The following CAPS2 variants were observed in gnomAD, a reference collection of about 807,000 sequenced individuals.
The protein encoded by CAPS2 is calcyphosine 2.
Under a neutral mutation model 86.5 loss-of-function variants are expected in CAPS2, and 98 were observed. The observed-to-expected ratio is 1.13, with a 90% CI of 0.96 to 1.34. The LOEUF (loss-of-function observed/expected upper bound fraction) is 1.34, where lower values mean the gene tolerates loss of function less well. Among genes scored for constraint, CAPS2 ranks in the 40% most tolerant of loss-of-function variants. CAPS2 has a pLI of 0.00. For missense variants in CAPS2, 729 were observed against 686.8 expected, an observed-to-expected ratio of 1.06 and a Z score of -0.69; for synonymous variants, 210 against 225.1, an observed-to-expected ratio of 0.93 and a Z score of 0.60.
intron 16 of CAPS2, among the ~76,000 whole-genome samples, chr12:75,281,411 A>G (rs1191989065): frequency 3.9e-5 from 6 of 151,986 alleles, no homozygotes; most frequent in Admixed American, 3.9e-4. Context: ...TGATTCATAA[A>G]AAGAATAATA....
Position 75,298,792 on chromosome 12 carries a change from A to G in CAPS2, c.951-12T>C. On this transcript the variant is annotated splice_polypyrimidine_tract_variant and intron_variant, in intron 10 of 16. Transcript: ENST00000393284. ...GAAGCACATTTGTTCTAGAAAGTAA[A>G]TGAAAAAAAAATGGAAAGTTATTTA... is the stretch of plus-strand genomic sequence containing the variant. 6.2e-7 allele frequency: 1 copy of G among 1,608,370 alleles called. No homozygotes were observed. Among genetic ancestry groups the G allele is most frequent in the Non-Finnish European group, 8.5e-7 (1 of 1,174,980 alleles).
chr12:75,339,406 G>C lies in CAPS2; in HGVS notation c.-394-16184C>G, dbSNP rs190546948. On this transcript the variant is annotated intron_variant, in intron 1 of 5. Transcript: ENST00000551829. ...TGGCCATATGTATGTCTTCTTTTGA[G>C]AAGTGTCTGTTCATGTCCTTTGGCC... Among the ~76,000 whole-genome samples, 19 of 152,142 alleles carry C rather than the reference G, an allele frequency of 1.2e-4. No homozygotes were observed. In the East Asian group the frequency reaches 3.7e-3, roughly 29 times the overall value.
At chr12:75,378,089 C>T (rs1308650197) in intron 1 of CAPS2, among the ~76,000 whole-genome samples, 1 of 151,984 alleles carries the variant, frequency 6.6e-6, no homozygotes, top group African/African-American at 2.4e-5. Flanking sequence ...CCTCCACCTA[C>T]CAGGCTCAAG....
downstream of CAPS2, chr12:75,277,081 CA>C (rs572297612): frequency 1.2e-5 from 12 of 983,068 alleles, no homozygotes; most frequent in African/African-American, 1.8e-5. Context: ...CAAAATACAC[CA>C]AAAAAAATCT....
chr12:75,344,070 G>C, intron 1 of CAPS2: 1 of 655,714 alleles, frequency 1.5e-6, no homozygotes, highest in Non-Finnish European at 2.5e-6. Context: ...CATAGGTCTT[G>C]AGCAATTTAA....
At chr12:75,386,702 T>C (rs2139855021) in intron 1 of CAPS2, among the ~76,000 whole-genome samples, 1 of 152,098 alleles carries the variant, frequency 6.6e-6, no homozygotes, top group South Asian at 2.1e-4. Context: ...ATAGTATTGG[T>C]GAAAGTAGAA....
At chr12:75,345,928 T>C (rs183211868) in intron 1 of CAPS2, among the ~76,000 whole-genome samples, 1 of 152,172 alleles carries the variant, frequency 6.6e-6, no homozygotes, top group Admixed American at 6.5e-5. Context: ...ACACACAAGG[T>C]TAAGTAATTA....
intron 12 of CAPS2, among the ~76,000 whole-genome samples, chr12:75,292,614 T>C (rs140696713): frequency 0.011 from 1,610 of 147,118 alleles, 20 homozygotes; most frequent in African/African-American, 0.037. Context: ...ATTATATATG[T>C]ATCTATACAT....
At chr12:75,346,081 T>C (rs1158798557) in intron 1 of CAPS2, among the ~76,000 whole-genome samples, 1 of 152,230 alleles carries the variant, frequency 6.6e-6, no homozygotes, top group East Asian at 1.9e-4. Context: ...TTACATCTAG[T>C]TTCTTTAATG....
At chr12:75,321,366 T>C in intron 5 of CAPS2, 34 bp downstream of exon 5, 1 of 1,358,018 alleles carries the variant, frequency 7.4e-7, no homozygotes, top group African/African-American at 1.5e-5. Context: ...TTTCTTTAAA[T>C]GTCATTAGAA....
chr12:75,339,666 C>T (rs529001488), intron 1 of CAPS2, among the ~76,000 whole-genome samples: 2 of 152,208 alleles, frequency 1.3e-5, no homozygotes, highest in South Asian at 2.1e-4. Flanking sequence ...TTGCCCGTGC[C>T]TATGTCCTGA....
intron 1 of CAPS2, chr12:75,390,325 G>A (rs1434745408): frequency 2.2e-6 from 1 of 456,294 alleles, no homozygotes; most frequent in African/African-American, 2.0e-5. Context: ...TTCTTACTGT[G>A]AATGCCACAA....
intron 12 of CAPS2, 82 bp from the exon 13 acceptor site, chr12:75,291,902 C>T: frequency 2.0e-6 from 1 of 493,200 alleles, no homozygotes; most frequent in Non-Finnish European, 3.4e-6. Flanking sequence ...AAGCTCTTCC[C>T]TGCTCCAGAC....
intron 1 of CAPS2, among the ~76,000 whole-genome samples, chr12:75,377,837 A>G (rs1366088077): frequency 4.8e-5 from 2 of 41,968 alleles, no homozygotes; most frequent in African/African-American, 1.6e-4. Context: ...ATTAACCATC[A>G]CAGATATATA....
chr12:75,278,916 T>A (rs141562239), exon 17 of CAPS2: 1 of 1,594,488 alleles, frequency 6.3e-7, no homozygotes, highest in East Asian at 2.2e-5. Flanking sequence ...GTACGTAAGA[T>A]GTTAACAAAG....
upstream of CAPS2, among the ~76,000 whole-genome samples, chr12:75,330,243 G>A (rs1435548422): frequency 6.6e-6 from 1 of 152,132 alleles, no homozygotes; most frequent in Non-Finnish European, 1.5e-5. Flanking sequence ...ACCCCGCCAC[G>A]CTCTCAGAAG....
At chr12:75,382,561 AC>A (rs1243792660) in intron 1 of CAPS2, among the ~76,000 whole-genome samples, 1 of 151,748 alleles carries the variant, frequency 6.6e-6, no homozygotes, top group Non-Finnish European at 1.5e-5. Context: ...AATCACTTGA[AC>A]CCAAGAAGCG....
intron 5 of CAPS2, 146 bp from the exon 6 acceptor site, chr12:75,316,580 A>G (rs1202956995): frequency 1.3e-6 from 1 of 782,594 alleles, no homozygotes; most frequent in Non-Finnish European, 1.8e-6. Flanking sequence ...CAGATTGCTT[A>G]TATTTGAATC....
upstream of CAPS2, chr12:75,335,025 G>GA (rs1221016528): frequency 1.4e-5 from 13 of 919,790 alleles, no homozygotes; most frequent in Non-Finnish European, 2.1e-5. Flanking sequence ...CAGTTAAAAA[G>GA]AAAAAAATTC....
Sources: allele counts gnomAD v4.1 joint callset (sites outside exome capture counted in the v4.1 genomes callset), GRCh38; gene constraint gnomAD v4.1.1; transcripts MANE v1.5; gene names NCBI Gene and HGNC (gene_info 2026-07-23, HGNC 2026-07-21).